Variants in RFFL observed in about 807,000 individuals in gnomAD.
RFFL encodes the protein E3 ubiquitin-protein ligase rififylin.
A neutral mutation model predicts 40.4 loss-of-function variants in RFFL; 16 were observed. The ratio of observed to expected loss-of-function variants is 0.40; its 90% confidence interval spans 0.27 to 0.60. RFFL has a LOEUF of 0.60. Ranked by LOEUF, RFFL falls within the 20% of genes least tolerant of loss-of-function variation. RFFL has a pLI of 0.47. For missense variants in RFFL, 367 were observed against 451.7 expected, an observed-to-expected ratio of 0.81 and a Z score of 1.70; for synonymous variants, 154 against 167.9, an observed-to-expected ratio of 0.92 and a Z score of 0.64.
At chr17:35,059,169 C>T (rs1051582221) in intron 1 of RFFL, among the ~76,000 whole-genome samples, 2 of 151,928 alleles carry the variant, frequency 1.3e-5, no homozygotes. Context: ...CAGGTGCCCA[C>T]CACCATACCC....
intron 1 of RFFL, chr17:35,069,348 A>AT: frequency 2.2e-6 from 1 of 456,592 alleles, no homozygotes; most frequent in Non-Finnish European, 4.4e-6. Context: ...TTTCATCTTG[A>AT]AGGGTGATTT....
At chr17:35,062,201 G>A (rs980216435) in intron 1 of RFFL, among the ~76,000 whole-genome samples, 2 of 151,810 alleles carry the variant, frequency 1.3e-5, no homozygotes, top group African/African-American at 2.4e-5. Context: ...TCAAGAGATC[G>A]AGACCATCCT....
chr17:35,060,834 C>T (rs2091287097), intron 1 of RFFL, among the ~76,000 whole-genome samples: 1 of 151,584 alleles, frequency 6.6e-6, no homozygotes, highest in African/African-American at 2.4e-5. Flanking sequence ...AGCTCTAGTC[C>T]AGGGACACCA....
intron 1 of RFFL, among the ~76,000 whole-genome samples, chr17:35,077,454 C>G (rs534086206): frequency 1.3e-5 from 2 of 152,302 alleles, no homozygotes; most frequent in African/African-American, 4.8e-5. Flanking sequence ...CATCCAAGTG[C>G]ATGATTTTTC....
At chr17:35,037,845 A>G (rs1355914114) in intron 1 of RFFL, among the ~76,000 whole-genome samples, 2 of 152,218 alleles carry the variant, frequency 1.3e-5, no homozygotes, top group Admixed American at 6.5e-5. Context: ...GAACTTTCCT[A>G]TCATCATACA....
At chr17:35,077,233 C>A (rs1463943821) in intron 1 of RFFL, among the ~76,000 whole-genome samples, 1 of 151,926 alleles carries the variant, frequency 6.6e-6, no homozygotes, top group Non-Finnish European at 1.5e-5. Flanking sequence ...AATGGGAGCT[C>A]TCAGATGGTA....
intron 3 of RFFL, among the ~76,000 whole-genome samples, chr17:35,019,906 T>C (rs1331058177): frequency 6.6e-6 from 1 of 152,212 alleles, no homozygotes; most frequent in East Asian, 1.9e-4. Flanking sequence ...TGCTATCACA[T>C]TGGCCTTTAT....
rs905637082 is a variant in RFFL, at chr17:35,011,895, AAGCTGGCCAACCCTGAGCCCAG to A, written c.*51_*72del. 8.1e-6 allele frequency: 12 copies of A among 1,479,960 alleles called. No homozygotes were observed. Among genetic ancestry groups the A allele is most frequent in the Non-Finnish European group, 1.1e-5 (12 of 1,077,566 alleles). The allele number at this position is 1,479,960 out of a possible 1,614,324, so 91.7% of individuals were successfully genotyped here. On this transcript the variant is annotated 3_prime_UTR_variant, in exon 7 of 7. Coordinates refer to ENST00000394597, the MANE Select transcript of RFFL (RefSeq NM_001017368.2). ...TATTTCTACTAGCTTGCTCCTCTGC[AAGCTGGCCAACCCTGAGCCCAG>A]ACACCCCAGGCTATTTCCCTGTAAG... is the stretch of plus-strand genomic sequence containing the variant.
intron 6 of RFFL, among the ~76,000 whole-genome samples, chr17:35,012,934 G>A (rs2090950044): frequency 6.6e-6 from 1 of 152,096 alleles, no homozygotes. Context: ...ATTCATCTTT[G>A]AAGCCCCCAA....
intron 1 of RFFL, among the ~76,000 whole-genome samples, chr17:35,082,229 G>T (rs958676758): frequency 6.6e-6 from 1 of 152,138 alleles, no homozygotes; most frequent in African/African-American, 2.4e-5. Context: ...CTGCATCTAT[G>T]ATGATGATTG....
At chr17:35,045,831 C>T (rs1291500371) in intron 1 of RFFL, among the ~76,000 whole-genome samples, 4 of 152,028 alleles carry the variant, frequency 2.6e-5, no homozygotes, top group Non-Finnish European at 5.9e-5. Flanking sequence ...TGAGACCAGC[C>T]TGGCCAACAT....
intron 6 of RFFL, among the ~76,000 whole-genome samples, chr17:35,012,799 A>G (rs2090949261): frequency 6.6e-6 from 1 of 152,208 alleles, no homozygotes; most frequent in African/African-American, 2.4e-5. Context: ...TGCTTATCAC[A>G]TTGGATTAAA....
Position 35,006,186 on chromosome 17 carries a change from GAA to G in RFFL, c.*5780_*5781del, listed in dbSNP as rs2090894102. 6.5e-6 allele frequency: 1 copy of G among 154,320 alleles called. No homozygotes were observed. The highest frequency in any genetic ancestry group is 2.4e-5 in the African/African-American group (1 of 41,442). The allele number at this position is 154,320 out of a possible 1,614,324, so 9.6% of individuals were successfully genotyped here. ...TAGTGTAGACAAGTGCTATTCAATA[GAA>G]CTTTTTGCAGCAGTGGAAATATCCA... On this transcript the variant is annotated 3_prime_UTR_variant, in exon 7 of 7. Transcript: ENST00000394597.
intron 6 of RFFL, among the ~76,000 whole-genome samples, chr17:35,014,146 T>C (rs995301945): frequency 3.9e-5 from 6 of 152,150 alleles, no homozygotes. Flanking sequence ...GGTCAGGAGT[T>C]CTGCAGTGTG....
intron 1 of RFFL, among the ~76,000 whole-genome samples, chr17:35,057,887 C>T (rs1460919031): frequency 2.6e-5 from 4 of 151,890 alleles, no homozygotes; most frequent in South Asian, 2.1e-4. Context: ...CAAGTACTTA[C>T]TGAGTGCCTT....
At position 35,012,023 on chromosome 17, in the gene RFFL, T is replaced by A. The variant is rs1242315233; in HGVS notation, c.1037A>T (p.Glu346Val). The A allele has an allele frequency of 6.2e-7, 1 of 1,614,034 alleles. No individual in the cohort carries two copies. The highest frequency in any genetic ancestry group is 2.2e-5 in the East Asian group (1 of 44,892). The change falls in exon 7 of 7, where the codon GAA becomes GTA. Residue 346 changes from glutamate to valine, a missense_variant. Physicochemically the swap from Glu to Val is moderately radical, Grantham distance 121. Coordinates refer to ENST00000394597, the MANE Select transcript of RFFL (RefSeq NM_001017368.2). ...TACATACTGCCGGCAGATGGGACAT[T>A]CATTCATGCGCTTGCCACACTTGGT... Reference protein sequence around the residue: ...TCTKCGKRMNECPICRQYVIR... With the variant: ...TCTKCGKRMNVCPICRQYVIR...
chr17:35,050,506 C>T (rs2091225450), intron 1 of RFFL, among the ~76,000 whole-genome samples: 1 of 152,078 alleles, frequency 6.6e-6, no homozygotes, highest in Non-Finnish European at 1.5e-5. Context: ...GGACTACATG[C>T]ACATGCCACC....
intron 3 of RFFL, among the ~76,000 whole-genome samples, chr17:35,017,858 A>C (rs2090984229): frequency 6.6e-6 from 1 of 152,200 alleles, no homozygotes; most frequent in African/African-American, 2.4e-5. Flanking sequence ...ACACACCAGG[A>C]TGGCAGTAGC....
In RFFL at chr17:35,078,834, G is replaced by A. The variant is rs577320281; in HGVS notation, c.-9+10271C>T. Reference sequence around the variant, plus strand: ...GTCTCTACAAAAAATACAAAAATTAGCTGGATGTGGTGGCACACGCCTGTG... The same window carrying A: ...GTCTCTACAAAAAATACAAAAATTAACTGGATGTGGTGGCACACGCCTGTG... On this transcript the variant is annotated intron_variant, in intron 1 of 6. Transcript: ENST00000315249. 3.3e-5 allele frequency among the ~76,000 whole-genome samples: 5 copies of A among 152,122 alleles called. No individual in the cohort carries two copies. In the East Asian group the frequency reaches 9.7e-4, roughly 30 times the overall value.
Sources: allele counts gnomAD v4.1 joint callset (sites outside exome capture counted in the v4.1 genomes callset), GRCh38; gene constraint gnomAD v4.1.1; transcripts MANE v1.5; gene names NCBI Gene and HGNC (gene_info 2026-07-23, HGNC 2026-07-21).